PTPRR: variants seen among roughly 807,000 people sequenced by gnomAD.
PTPRR encodes the protein protein tyrosine phosphatase receptor type R.
A neutral mutation model predicts 77.2 loss-of-function variants in PTPRR; 38 were observed. The observed-to-expected ratio is 0.49, with a 90% CI of 0.38 to 0.65. The LOEUF is 0.65. Ranked by LOEUF, PTPRR falls within the 30% of genes least tolerant of loss-of-function variation. PTPRR has a pLI of 0.00. For synonymous variants in PTPRR, 299 were observed against 283.1 expected, an observed-to-expected ratio of 1.06 and a Z score of -0.57; for missense variants, 744 against 799.2, an observed-to-expected ratio of 0.93 and a Z score of 0.83.
intron 2 of PTPRR, among the ~76,000 whole-genome samples, chr12:70,766,953 C>G (rs1411410650): frequency 2.0e-5 from 3 of 152,056 alleles, no homozygotes; most frequent in Non-Finnish European, 2.9e-5. Context: ...ACTTTACAGA[C>G]AAGCAAATGC....
rs139627291 is a variant in PTPRR at position 70,837,759 on chromosome 12, T to C, written c.357+54920A>G. On this transcript the variant is annotated intron_variant, in intron 2 of 13. Transcript: ENST00000283228. ...GGCATGATGATTAAGTCATTGCCCA[T>C]TGGTGATCAACATAACCTTCAGATC... Among the ~76,000 whole-genome samples, 990 of 152,182 alleles carry C rather than the reference T, an allele frequency of 6.5e-3. 1 individual carries two copies. The highest frequency in any genetic ancestry group is 9.5e-3 in the Non-Finnish European group (649 of 67,982).
At chr12:70,688,397 G>C (rs1219066977) in intron 8 of PTPRR, among the ~76,000 whole-genome samples, 1 of 152,078 alleles carries the variant, frequency 6.6e-6, no homozygotes, top group African/African-American at 2.4e-5. Context: ...GATTTGAATA[G>C]ACATTTCTAA....
chr12:70,704,562 T>C (rs150512895), intron 6 of PTPRR, among the ~76,000 whole-genome samples: 5,897 of 152,228 alleles, frequency 0.039, 126 homozygotes, highest in Middle Eastern at 0.058. Flanking sequence ...TTAGAAGCCT[T>C]TGACATCCCG....
chr12:70,876,618 C>T (rs1305954256), intron 2 of PTPRR, among the ~76,000 whole-genome samples: 1 of 152,184 alleles, frequency 6.6e-6, no homozygotes, highest in Non-Finnish European at 1.5e-5. Context: ...AAAAGATTTA[C>T]ATCCCTACAT....
At chr12:70,666,987 G>C (rs182725840) in intron 10 of PTPRR, among the ~76,000 whole-genome samples, 2,438 of 101,380 alleles carry the variant, frequency 0.024, 43 homozygotes, top group Admixed American at 0.065. Flanking sequence ...ACGGAGTCTC[G>C]CTCTGTCACT....
chr12:70,832,093 C>T (rs1231759642), intron 2 of PTPRR, among the ~76,000 whole-genome samples: 1 of 152,200 alleles, frequency 6.6e-6, no homozygotes, highest in Non-Finnish European at 1.5e-5. Flanking sequence ...ATTTCCTGAT[C>T]ACTAAAGCAG....
At chr12:70,775,478 A>AGCTAT (rs1348667179) in intron 2 of PTPRR, among the ~76,000 whole-genome samples, 1 of 152,200 alleles carries the variant, frequency 6.6e-6, no homozygotes, top group Non-Finnish European at 1.5e-5. Context: ...ATTAGCTTTT[A>AGCTAT]GCTATTTATT....
intron 2 of PTPRR, among the ~76,000 whole-genome samples, chr12:70,809,517 CG>C (rs1458096896): frequency 1.3e-5 from 2 of 152,124 alleles, no homozygotes; most frequent in Non-Finnish European, 2.9e-5. Flanking sequence ...GTCATTATGT[CG>C]TACAGTAGAT....
chr12:70,690,802 T>TTAC (rs1565649480), intron 8 of PTPRR, among the ~76,000 whole-genome samples: 1 of 152,222 alleles, frequency 6.6e-6, no homozygotes, highest in Non-Finnish European at 1.5e-5. Flanking sequence ...AGACTCTTTG[T>TTAC]GGACTAAAGT....
chr12:70,812,863 A>G (rs1222404586), intron 2 of PTPRR, among the ~76,000 whole-genome samples: 1 of 152,226 alleles, frequency 6.6e-6, no homozygotes, highest in African/African-American at 2.4e-5. Context: ...ATAGAGTCAG[A>G]AACAGGAAAA....
At chr12:70,915,925 A>C (rs192751246) in intron 1 of PTPRR, among the ~76,000 whole-genome samples, 53 of 152,332 alleles carry the variant, frequency 3.5e-4, no homozygotes, top group African/African-American at 1.2e-3. Context: ...GAAAGATTTT[A>C]TGTCAGGAAC....
intron 8 of PTPRR, among the ~76,000 whole-genome samples, chr12:70,696,472 C>T (rs1592681592): frequency 6.6e-6 from 1 of 152,250 alleles, no homozygotes; most frequent in East Asian, 1.9e-4. Flanking sequence ...GGATTGGAAT[C>T]ACCTAGGTGT....
At chr12:70,867,486 G>T (rs1892875346) in intron 2 of PTPRR, among the ~76,000 whole-genome samples, 1 of 151,968 alleles carries the variant, frequency 6.6e-6, no homozygotes, top group African/African-American at 2.4e-5. Flanking sequence ...CAAGGGATGT[G>T]AAGGACCTCT....
At chr12:70,755,940 G>T (rs1307127462) in intron 4 of PTPRR, among the ~76,000 whole-genome samples, 1 of 152,008 alleles carries the variant, frequency 6.6e-6, no homozygotes, top group African/African-American at 2.4e-5. Context: ...ATATGGAAAT[G>T]AATTTTTTAC....
chr12:70,869,711 T>C (rs1246736897), intron 2 of PTPRR, among the ~76,000 whole-genome samples: 1 of 152,042 alleles, frequency 6.6e-6, no homozygotes. Context: ...AGAGGTCAGA[T>C]GGGGCATTGC....
intron 7 of PTPRR, among the ~76,000 whole-genome samples, chr12:70,700,421 ATT>A (rs2136780829): frequency 1.3e-5 from 2 of 152,308 alleles, no homozygotes; most frequent in South Asian, 4.1e-4. Flanking sequence ...TGAATTCATC[ATT>A]CTTTTTAGCC....
chr12:70,650,293 A>G (rs1311385059), intron 13 of PTPRR, among the ~76,000 whole-genome samples: 1 of 151,984 alleles, frequency 6.6e-6, no homozygotes, highest in Non-Finnish European at 1.5e-5. Flanking sequence ...AAATACAAAA[A>G]TTAGCCGGGA....
At chr12:70,852,528 C>G (rs1892588132) in intron 2 of PTPRR, among the ~76,000 whole-genome samples, 1 of 152,126 alleles carries the variant, frequency 6.6e-6, no homozygotes, top group African/African-American at 2.4e-5. Context: ...ACTGAGCAAA[C>G]AGCAATCGAA....
intron 2 of PTPRR, among the ~76,000 whole-genome samples, chr12:70,848,801 G>C (rs1308998821): frequency 6.6e-6 from 1 of 152,204 alleles, no homozygotes; most frequent in Non-Finnish European, 1.5e-5. Flanking sequence ...ATATGTGATA[G>C]ATGCTTAGAG....
Sources: gnomAD v4.1 joint callset for allele counts (sites outside exome capture counted in the v4.1 genomes callset) on GRCh38, gnomAD v4.1.1 for gene constraint, MANE v1.5 for transcripts, NCBI Gene and HGNC (gene_info 2026-07-23, HGNC 2026-07-21) for gene names.